The following SH3KBP1 variants were observed in gnomAD, a reference collection of about 807,000 sequenced individuals.
The protein encoded by SH3KBP1 is SH3 domain-containing kinase-binding protein 1.
In SH3KBP1, 8 loss-of-function variants were observed where a neutral mutation model predicts 50.1. The observed-to-expected ratio is 0.16, with a 90% confidence interval of 0.09 to 0.29. SH3KBP1 has a LOEUF of 0.29. Among genes scored for constraint, SH3KBP1 ranks in the 10% least tolerant of loss-of-function variants. The pLI is 1.00. For missense variants in SH3KBP1, 377 were observed against 535.2 expected (o/e 0.70, Z 2.92); for synonymous variants, 227 against 218.6 (o/e 1.04, Z -0.34).
chrX:19,811,130 A>G (rs1364619191), intron 2 of SH3KBP1, among the ~76,000 whole-genome samples: 1 of 111,729 alleles, frequency 9.0e-6, no homozygotes, highest in Non-Finnish European at 1.9e-5. Flanking sequence ...CGGGGGAGAA[A>G]AAAACTTGTG....
At chrX:19,714,089 G>A (rs1324686924) in intron 3 of SH3KBP1, among the ~76,000 whole-genome samples, 3 of 111,911 alleles carry the variant, frequency 2.7e-5, no homozygotes, top group Admixed American at 9.5e-5. Flanking sequence ...GCCAGGCACC[G>A]AAAGACAAAC....
intron 8 of SH3KBP1, among the ~76,000 whole-genome samples, chrX:19,631,456 A>G (rs1189019978): frequency 8.9e-6 from 1 of 112,018 alleles, no homozygotes; most frequent in East Asian, 2.8e-4. Context: ...TCTGAACAGC[A>G]AACATTCTTT....
chrX:19,829,187 A>G (rs1338837696), intron 2 of SH3KBP1, among the ~76,000 whole-genome samples: 1 of 112,481 alleles, frequency 8.9e-6, no homozygotes, highest in East Asian at 2.8e-4. Context: ...ATATCCATCA[A>G]CAAAATATTA....
chrX:19,711,766 G>A (rs1341998569), intron 3 of SH3KBP1, among the ~76,000 whole-genome samples: 4 of 111,427 alleles, frequency 3.6e-5, no homozygotes, highest in Non-Finnish European at 7.5e-5. Flanking sequence ...TTGCAAGGTA[G>A]AAACCACTGA....
chrX:19,774,710 G>GAAAGA (rs1321157215), intron 2 of SH3KBP1, among the ~76,000 whole-genome samples: 40 of 102,970 alleles, frequency 3.9e-4, no homozygotes, highest in South Asian at 2.6e-3. Context: ...AAGAAAGAAA[G>GAAAGA]AAGAAACCTA....
intron 6 of SH3KBP1, among the ~76,000 whole-genome samples, chrX:19,667,443 T>G (rs1034567241): frequency 1.8e-5 from 2 of 110,767 alleles, no homozygotes; most frequent in African/African-American, 6.6e-5. Context: ...GGGGGCAACA[T>G]AGTAAGACCC....
chrX:19,750,729 G>A (rs138962428), intron 2 of SH3KBP1, among the ~76,000 whole-genome samples: 53 of 111,283 alleles, frequency 4.8e-4, no homozygotes, highest in African/African-American at 1.7e-3. Flanking sequence ...AATAGGTGAT[G>A]ATGCTAGCAA....
At chrX:19,590,802 C>A (rs896861911) in intron 11 of SH3KBP1, among the ~76,000 whole-genome samples, 4 of 96,394 alleles carry the variant, frequency 4.1e-5, no homozygotes, top group Non-Finnish European at 6.2e-5. Context: ...GGCCACCAGG[C>A]CTGGCTATTT....
chrX:19,623,188 G>A (rs1396074784), intron 8 of SH3KBP1, among the ~76,000 whole-genome samples: 2 of 111,059 alleles, frequency 1.8e-5, no homozygotes, highest in East Asian at 2.8e-4. Context: ...AATAGTGTAT[G>A]TAATATGATC....
intron 14 of SH3KBP1, 71 bp downstream of exon 14, chrX:19,549,903 A>T: frequency 1.3e-6 from 1 of 797,941 alleles, no homozygotes; most frequent in Non-Finnish European, 1.8e-6. Context: ...GTCCTTAGCT[A>T]GAGTTTCTAA....
chrX:19,555,455 G>A (rs2065459542), intron 13 of SH3KBP1, among the ~76,000 whole-genome samples: 1 of 112,137 alleles, frequency 8.9e-6, no homozygotes, highest in Admixed American at 9.5e-5. Context: ...CACATCCACT[G>A]AAAGCACAGA....
rs1373557492 is a variant in SH3KBP1 at position 19,887,361 on chromosome X, C to A, written c.-51G>T. 2 of 954,163 alleles carry A rather than the reference C, an allele frequency of 2.1e-6. No individual in the cohort carries two copies. 78.6% of individuals were successfully genotyped at this position (954,163 alleles called of 1,213,427 possible). Reference sequence around the variant, plus strand: ...GAGGCAGCGTGAAAGTTGGCGGAGGCGGGCGTGGGGGTTGGGGCGCCGGGA... The same window carrying A: ...GAGGCAGCGTGAAAGTTGGCGGAGGAGGGCGTGGGGGTTGGGGCGCCGGGA... On this transcript the variant is annotated 5_prime_UTR_variant, in exon 1 of 18. Coordinates refer to ENST00000397821, the MANE Select transcript of SH3KBP1 (RefSeq NM_031892.3).
At position 19,534,813 on chromosome X, in the gene SH3KBP1, A is replaced by T; in HGVS notation, c.*1604T>A. ...GAAATAACAGCCTCAAGTAGCAAGGATGAGCACATAGGTTAAGAGGAAGGC... is the reference window on the plus strand; with the variant it reads ...GAAATAACAGCCTCAAGTAGCAAGGTTGAGCACATAGGTTAAGAGGAAGGC... On this transcript the variant is annotated 3_prime_UTR_variant, in exon 18 of 18. Coordinates refer to ENST00000397821, the MANE Select transcript of SH3KBP1 (RefSeq NM_031892.3). 1 of 297,633 alleles carries T rather than the reference A, an allele frequency of 3.4e-6. No individual in the cohort carries two copies. The highest frequency in any genetic ancestry group is 5.9e-6 in the Non-Finnish European group (1 of 170,310). 24.5% of individuals were successfully genotyped at this position (297,633 alleles called of 1,213,427 possible).
At chrX:19,820,137 A>T (rs1030509932) in intron 2 of SH3KBP1, among the ~76,000 whole-genome samples, 22 of 111,592 alleles carry the variant, frequency 2.0e-4, no homozygotes, top group African/African-American at 5.5e-4. Flanking sequence ...ATATGGTTTA[A>T]CTTGGCAGAT....
intron 7 of SH3KBP1, among the ~76,000 whole-genome samples, chrX:19,643,550 A>G (rs1051726258): frequency 9.2e-6 from 1 of 109,126 alleles, no homozygotes; most frequent in Non-Finnish European, 1.9e-5. Flanking sequence ...CCAACTGTAG[A>G]AATTCTTATC....
chrX:19,550,374 G>A, intron 13 of SH3KBP1, among the ~76,000 whole-genome samples: 1 of 111,569 alleles, frequency 9.0e-6, no homozygotes, highest in East Asian at 2.8e-4. Context: ...ACATAAAGAG[G>A]ATTAGAGGAA....
chrX:19,692,174 TG>T (rs2063305223), intron 5 of SH3KBP1, among the ~76,000 whole-genome samples: 1 of 111,863 alleles, frequency 8.9e-6, no homozygotes, highest in African/African-American at 3.2e-5. Context: ...TGAGATAAAA[TG>T]GATAAAATAT....
intron 1 of SH3KBP1, among the ~76,000 whole-genome samples, chrX:19,850,089 T>C (rs1295018238): frequency 1.8e-5 from 2 of 111,975 alleles, no homozygotes; most frequent in Non-Finnish European, 3.8e-5. Flanking sequence ...GAAAGGAAGA[T>C]GGGGGTTTTA....
chrX:19,617,469 G>A (rs1448069635), intron 8 of SH3KBP1, among the ~76,000 whole-genome samples: 9 of 112,121 alleles, frequency 8.0e-5, no homozygotes, highest in Non-Finnish European at 1.1e-4. Flanking sequence ...CTATTTCAAG[G>A]TCTAATTCCC....
Sources: gnomAD v4.1 joint callset for allele counts (sites outside exome capture counted in the v4.1 genomes callset) on GRCh38, gnomAD v4.1.1 for gene constraint, MANE v1.5 for transcripts, NCBI Gene and HGNC (gene_info 2026-07-23, HGNC 2026-07-21) for gene names.